Variants in PTGS1 observed in about 807,000 individuals in gnomAD.
PTGS1 encodes prostaglandin-endoperoxide synthase 1, also known as prostaglandin G/H synthase 1.
In PTGS1, 40 loss-of-function variants were observed where a neutral mutation model predicts 63.0. The ratio of observed to expected loss-of-function variants is 0.63; its 90% CI spans 0.49 to 0.83. PTGS1 has a LOEUF of 0.83. Ranked by LOEUF, PTGS1 falls within the 40% of genes least tolerant of loss-of-function variation. PTGS1 has a pLI of 0.00. For synonymous variants in PTGS1, 298 were observed against 301.9 expected (o/e 0.99, Z 0.13); for missense variants, 709 against 786.5 (o/e 0.90, Z 1.18).
intron 10 of PTGS1, 109 bp from the exon 11 acceptor site, chr9:122,392,079 TG>T: frequency 1.1e-6 from 1 of 899,450 alleles, no homozygotes; most frequent in Non-Finnish European, 1.7e-6. Context: ...GTTAGTCTCC[TG>T]GAGTCCCTAT....
rs146234453 is a variant in PTGS1 at position 122,386,268 on chromosome 9, G to A, written c.1010-178G>A. 1.9e-3 allele frequency among the ~76,000 whole-genome samples: 287 copies of A among 152,112 alleles called. 2 individuals are homozygous for A. The South Asian group carries it at 0.021, about 11-fold the overall frequency. On this transcript the variant is annotated intron_variant, in intron 8 of 10. Transcript: ENST00000362012. ...AAGTGAGCTGTAATTATACCATTGC[G>A]CTCCAGCTTGGGTGACAGACCAAGA...
intron 5 of PTGS1, among the ~76,000 whole-genome samples, chr9:122,381,080 A>C (rs1837480896): frequency 6.6e-6 from 1 of 152,216 alleles, no homozygotes; most frequent in Non-Finnish European, 1.5e-5. Flanking sequence ...ACATTTACCC[A>C]CAGTTTCTTC....
intron 8 of PTGS1, among the ~76,000 whole-genome samples, chr9:122,385,747 A>T (rs1837833149): frequency 1.3e-5 from 2 of 152,032 alleles, no homozygotes; most frequent in Admixed American, 6.6e-5. Flanking sequence ...GACAGCTCTC[A>T]CCAGTAAATC....
At chr9:122,391,360 T>TATATATAC (rs1838234603) in intron 10 of PTGS1, among the ~76,000 whole-genome samples, 1 of 51,678 alleles carries the variant, frequency 1.9e-5, no homozygotes, top group African/African-American at 2.5e-4. Context: ...TATATATACA[T>TATATATAC]ATATATATAT....
intron 5 of PTGS1, 112 bp downstream of exon 5, chr9:122,379,030 C>T (rs1313180641): frequency 5.7e-6 from 8 of 1,406,310 alleles, no homozygotes; most frequent in Non-Finnish European, 7.7e-6. Flanking sequence ...GATGGCTAGA[C>T]CAAGGCAAGA....
At chr9:122,380,474 TAAATAAATAAATA>T (rs1564136074) in intron 5 of PTGS1, among the ~76,000 whole-genome samples, 1 of 129,378 alleles carries the variant, frequency 7.7e-6, no homozygotes, top group Non-Finnish European at 1.6e-5. Context: ...CAAAAATAAA[TAAATAAATAAATA>T]AATAAATAAA....
rs200209212 is a variant in PTGS1, at chr9:122,383,651, C to T, written c.905C>T (p.Thr302Met). 7.4e-6 allele frequency: 12 copies of T among 1,614,136 alleles called. No individual in the cohort carries two copies. The East Asian group carries it at 8.9e-5, about 12-fold the overall frequency. ...CTTCCTGGGCTCATGCTGTATGCCA[C>T]GCTCTGGCTACGTGAGCACAACCGT... is the stretch of plus-strand genomic sequence containing the variant. ...GLLPGLMLYA[T>M]LWLREHNRVC... The change falls in exon 8 of 11, where the codon ACG becomes ATG. Residue 302 changes from threonine (T) to methionine (M), a missense_variant. Transcript: ENST00000362012.
chr9:122,371,918 G>A (rs1450920982), intron 2 of PTGS1: 7 of 1,039,942 alleles, frequency 6.7e-6, no homozygotes, highest in Admixed American at 6.1e-5. Context: ...CACACACTTC[G>A]CAAGGTCTTT....
chr9:122,390,182 G>T lies in PTGS1; in HGVS notation c.1297-16G>T. On this transcript the variant is annotated splice_polypyrimidine_tract_variant and intron_variant, in intron 9 of 10. Transcript: ENST00000362012. ...GGCCTGGCTCCCAGACCACTGCTGT[G>T]CTTCTCTCTCGGCAGATCGGTGGGG... is the stretch of plus-strand genomic sequence containing the variant. 1.2e-6 allele frequency: 2 copies of T among 1,612,222 alleles called. No homozygotes were observed. The highest frequency in any genetic ancestry group is 1.7e-6 in the Non-Finnish European group (2 of 1,178,946).
rs982472264 is a variant in PTGS1 at position 122,383,418 on chromosome 9, T to A, written c.763-91T>A. ...ATCAACAGCCTTGGCTGAGGGGAAC[T>A]GGCAGCTGGAGGCAGGAGTGGGAGG... is the stretch of plus-strand genomic sequence containing the variant. On this transcript the variant is annotated intron_variant, in intron 7 of 10. Transcript: ENST00000362012. 5 of 1,510,230 alleles carry A rather than the reference T, an allele frequency of 3.3e-6. No homozygotes were observed. The Admixed American group carries it at 8.2e-5, about 25-fold the overall frequency. 93.6% of individuals were successfully genotyped at this position (1,510,230 alleles called of 1,614,324 possible). A position where few individuals can be genotyped will look rare whatever the true frequency, so the allele number is the denominator to read the frequency against.
At chr9:122,374,798 G>A (rs970393505) in intron 2 of PTGS1, among the ~76,000 whole-genome samples, 1 of 152,128 alleles carries the variant, frequency 6.6e-6, no homozygotes, top group Admixed American at 6.5e-5. Flanking sequence ...GCATCAAAGC[G>A]ACTCTCCCTT....
At chr9:122,375,422 G>T in intron 2 of PTGS1, 1 of 985,482 alleles carries the variant, frequency 1.0e-6, no homozygotes, top group Non-Finnish European at 1.2e-6. Context: ...GAAGATGAGG[G>T]ACTCCTTTTG....
At chr9:122,377,654 G>T (rs1837256116) in intron 2 of PTGS1, among the ~76,000 whole-genome samples, 1 of 152,138 alleles carries the variant, frequency 6.6e-6, no homozygotes, top group African/African-American at 2.4e-5. Flanking sequence ...TTCCCCTGGG[G>T]GCCTGATGTG....
At chr9:122,371,966 C>G in intron 2 of PTGS1, 1 of 689,552 alleles carries the variant, frequency 1.5e-6, no homozygotes, top group Non-Finnish European at 2.5e-6. Flanking sequence ...GGACCCGGAG[C>G]CACTCTGGGT....
chr9:122,384,403 A>G (rs1837744351), intron 8 of PTGS1, among the ~76,000 whole-genome samples: 1 of 152,066 alleles, frequency 6.6e-6, no homozygotes, highest in Non-Finnish European at 1.5e-5. Context: ...GCTGGTCCCA[A>G]TTATAGAGCC....
In PTGS1 at chr9:122,381,537, G is replaced by A. The variant is rs1357605941; in HGVS notation, c.663G>A (p.Lys221=). 6.2e-7 allele frequency: 1 copy of A among 1,614,204 alleles called. No individual in the cohort carries two copies. The highest frequency in any genetic ancestry group is 1.1e-5 in the South Asian group (1 of 91,086). Residue 221 remains lysine (K), a synonymous_variant, in exon 6 of 11, where the codon AAG becomes AAA. Coordinates refer to ENST00000362012, the MANE Select transcript of PTGS1 (RefSeq NM_000962.4). ...GCAAGATGGGTCCTGGCTTCACCAA[G>A]GCCTTGGGCCATGGGGTGAGTACCT... The part of the protein sequence containing the change: ...TSGKMGPGFT[K]ALGHGVDLGH...
chr9:122,371,219 T>C lies in PTGS1; in HGVS notation c.41T>C (p.Leu14Pro), dbSNP rs1355212728. 6.2e-6 allele frequency: 10 copies of C among 1,606,880 alleles called. No individual in the cohort carries two copies. In the East Asian group the frequency reaches 6.7e-5, roughly 11 times the overall value. The change falls in exon 2 of 11, where the codon CTC becomes CCC. Residue 14 changes from leucine (L) to proline (P), a missense_variant. Leu to Pro is a moderately conservative substitution (Grantham distance 98). Transcript: ENST00000362012. ...TTGCTCTGGTTCTTGCTGTTCCTGC[T>C]CCTGCTCCCGCCGCTCCCCGTCCTG... ...SLLLWFLLFL[L>P]LLPPLPVLLA...
chr9:122,374,235 A>G (rs1836979086), intron 2 of PTGS1, among the ~76,000 whole-genome samples: 1 of 151,908 alleles, frequency 6.6e-6, no homozygotes, highest in Admixed American at 6.6e-5. Context: ...AGCAAATGGG[A>G]AGGTTCTCTG....
intron 3 of PTGS1, 128 bp downstream of exon 3, chr9:122,378,143 C>T: frequency 2.0e-6 from 2 of 978,658 alleles, no homozygotes; most frequent in Non-Finnish European, 1.6e-6. Flanking sequence ...TTGCCTGGTT[C>T]TGCCCCTCTC....
Sources: gnomAD v4.1 joint callset for allele counts (sites outside exome capture counted in the v4.1 genomes callset) on GRCh38, gnomAD v4.1.1 for gene constraint, MANE v1.5 for transcripts, NCBI Gene and HGNC (gene_info 2026-07-23, HGNC 2026-07-21) for gene names.